The following RFX7 variants were observed in gnomAD, a reference collection of about 807,000 sequenced individuals.
RFX7 encodes the protein DNA-binding protein RFX7.
RFX7 carries 26 observed loss-of-function variants against 111.8 expected under a neutral mutation model. The observed-to-expected ratio is 0.23, with a 90% CI of 0.17 to 0.32. RFX7 has a LOEUF of 0.32. Among genes scored for constraint, RFX7 ranks in the 10% least tolerant of loss-of-function variants. The pLI is 1.00. For synonymous variants in RFX7, 624 were observed against 624.4 expected, an observed-to-expected ratio of 1.00 and a Z score of 0.01; for missense variants, 1,573 against 1,772.9, an observed-to-expected ratio of 0.89 and a Z score of 2.02.
intron 3 of RFX7, among the ~76,000 whole-genome samples, chr15:56,174,463 TG>T (rs1322607665): frequency 6.6e-6 from 1 of 151,982 alleles, no homozygotes; most frequent in Non-Finnish European, 1.5e-5. Flanking sequence ...AGCATGTGGC[TG>T]GGCACGGTTG....
At chr15:56,147,831 C>T (rs1263658801) in intron 3 of RFX7, among the ~76,000 whole-genome samples, 1 of 152,188 alleles carries the variant, frequency 6.6e-6, no homozygotes, top group Non-Finnish European at 1.5e-5. Context: ...CCTTGGCCTC[C>T]CAAAGTGCTG....
chr15:56,223,099 T>C (rs1193742706), intron 2 of RFX7, among the ~76,000 whole-genome samples: 1 of 152,190 alleles, frequency 6.6e-6, no homozygotes, highest in Non-Finnish European at 1.5e-5. Context: ...GCGAGACCTC[T>C]CCAATTTAGC....
chr15:56,241,773 CACA>C (rs1345033222), intron 2 of RFX7, among the ~76,000 whole-genome samples: 2 of 152,078 alleles, frequency 1.3e-5, no homozygotes, highest in African/African-American at 2.4e-5. Flanking sequence ...TTCAAGTTGC[CACA>C]ACATGACTAT....
At chr15:56,123,298 T>G (rs2042101240) in intron 5 of RFX7, among the ~76,000 whole-genome samples, 1 of 152,168 alleles carries the variant, frequency 6.6e-6, no homozygotes, top group African/African-American at 2.4e-5. Flanking sequence ...CTGCCAGGAC[T>G]GGGTCCTTCC....
intron 8 of RFX7, 148 bp downstream of exon 8, chr15:56,101,211 C>A: frequency 1.6e-6 from 1 of 638,666 alleles, no homozygotes; most frequent in Non-Finnish European, 2.7e-6. Flanking sequence ...TCAACAGACC[C>A]ATCTGAATTT....
At chr15:56,184,528 T>C (rs1244222320) in intron 2 of RFX7, among the ~76,000 whole-genome samples, 1 of 152,184 alleles carries the variant, frequency 6.6e-6, no homozygotes, top group Non-Finnish European at 1.5e-5. Context: ...ATTAAAGAAT[T>C]TACTTCTAAA....
chr15:56,148,187 TCAAG>T (rs2042511297), intron 3 of RFX7, among the ~76,000 whole-genome samples: 2 of 152,202 alleles, frequency 1.3e-5, no homozygotes, highest in African/African-American at 4.8e-5. Context: ...ATCTTTGAAC[TCAAG>T]TTTGATTTAT....
intron 5 of RFX7, among the ~76,000 whole-genome samples, chr15:56,141,923 T>C (rs2042404990): frequency 6.6e-6 from 1 of 151,972 alleles, no homozygotes; most frequent in African/African-American, 2.4e-5. Flanking sequence ...CTCCATTATG[T>C]TTCTTTTGGT....
rs1163904032 is a variant in RFX7, at chr15:56,094,230, A to G, written c.3498T>C (p.Ser1166=). The G allele has an allele frequency of 5.6e-6, 9 of 1,613,758 alleles. No homozygotes were observed. The highest frequency in any genetic ancestry group is 7.6e-6 in the Non-Finnish European group (9 of 1,179,844). The change falls in exon 10 of 10, where the codon AGT becomes AGC. Residue 1166 remains serine (S), a synonymous_variant. Coordinates refer to ENST00000559447, the MANE Select transcript of RFX7 (RefSeq NM_022841.7). ...SSASSNFRCR[S]VSPAVHRQRN... is the part of the protein sequence containing the mutation. ...GTTGGCGATGAACAGCAGGGCTCAC[A>G]CTCCGGCATCTGAAGTTGCTGCTGG... is the stretch of plus-strand genomic sequence containing the variant.
In RFX7 at chr15:56,102,263, A is replaced by G. The variant is rs1172381601; in HGVS notation, c.519-10T>C. ...TCCACTGTAGCAATATGTAATAAAC[A>G]GTTAAGGTCTAAATATTCAAAATTA... On this transcript the variant is annotated splice_polypyrimidine_tract_variant and intron_variant, in intron 6 of 9. Transcript: ENST00000559447. 6 of 1,547,394 alleles carry G rather than the reference A, an allele frequency of 3.9e-6. No homozygotes were observed. The highest frequency in any genetic ancestry group is 5.3e-6 in the Non-Finnish European group (6 of 1,123,782).
intron 3 of RFX7, 108 bp downstream of exon 3, chr15:56,179,162 C>T (rs2042935139): frequency 4.1e-6 from 2 of 487,262 alleles, no homozygotes; most frequent in East Asian, 9.8e-5. Context: ...ATTTTATTCA[C>T]TGGAGTTAGA....
At chr15:56,121,625 T>C (rs1295116277) in intron 5 of RFX7, among the ~76,000 whole-genome samples, 1 of 152,210 alleles carries the variant, frequency 6.6e-6, no homozygotes. Context: ...TATTCCTATC[T>C]CTCTGTCTAC....
chr15:56,209,791 C>A (rs1377099613), intron 2 of RFX7, among the ~76,000 whole-genome samples: 1 of 150,420 alleles, frequency 6.6e-6, no homozygotes, highest in African/African-American at 2.4e-5. Context: ...AACTCTAGGG[C>A]AAACACTAAA....
intron 2 of RFX7, among the ~76,000 whole-genome samples, chr15:56,227,895 C>G (rs1340724185): frequency 6.6e-6 from 1 of 152,108 alleles, no homozygotes; most frequent in Non-Finnish European, 1.5e-5. Context: ...GGCAGTTCTA[C>G]CAGTTGACAA....
chr15:56,117,877 C>G (rs567751350), intron 5 of RFX7, among the ~76,000 whole-genome samples: 3 of 152,182 alleles, frequency 2.0e-5, no homozygotes, highest in South Asian at 4.1e-4. Flanking sequence ...CTGTTGGACA[C>G]CTAGGTTGAT....
intron 2 of RFX7, 59 bp downstream of exon 2, chr15:56,243,066 C>CCCCTTTG: frequency 8.6e-7 from 1 of 1,161,764 alleles, no homozygotes; most frequent in Non-Finnish European, 1.2e-6. Context: ...GCCCCCCACC[C>CCCCTTTG]ACTTTGCAGC....
intron 2 of RFX7, among the ~76,000 whole-genome samples, chr15:56,194,576 CTATT>C (rs1431983823): frequency 1.3e-4 from 19 of 151,886 alleles, no homozygotes; most frequent in Non-Finnish European, 2.5e-4. Context: ...TAAATGAAAA[CTATT>C]TACTTTTACT....
chr15:56,110,416 G>A lies in RFX7; in HGVS notation c.402-6746C>T, dbSNP rs1412985912. 4.6e-4 allele frequency among the ~76,000 whole-genome samples: 61 copies of A among 131,342 alleles called. 1 individual carries two copies. Among genetic ancestry groups the A allele is most frequent in the African/African-American group, 1.7e-3 (61 of 35,768 alleles). 86.2% of individuals were successfully genotyped at this position (131,342 alleles called of 152,430 possible). On this transcript the variant is annotated intron_variant, in intron 5 of 9. Transcript: ENST00000559447. ...CGGCCAGCCGCCCCGTCCGGGGGAG[G>A]GGGGGTCAGCCCCCCGCCCGGCCAG...
intron 2 of RFX7, among the ~76,000 whole-genome samples, chr15:56,228,954 G>A (rs1441463774): frequency 1.3e-5 from 2 of 152,090 alleles, no homozygotes; most frequent in Non-Finnish European, 1.5e-5. Flanking sequence ...AGAATAAATA[G>A]TAAAATAAGT....
Sources: allele counts gnomAD v4.1 joint callset (sites outside exome capture counted in the v4.1 genomes callset), GRCh38; gene constraint gnomAD v4.1.1; transcripts MANE v1.5; gene names NCBI Gene and HGNC (gene_info 2026-07-23, HGNC 2026-07-21).